CNTNAP3: variants seen among roughly 807,000 people sequenced by gnomAD.
CNTNAP3 encodes the protein contactin-associated protein-like 3.
CNTNAP3 carries 36 observed loss-of-function variants against 92.1 expected under a neutral mutation model. The observed-to-expected ratio is 0.39, with a 90% CI of 0.30 to 0.52. The LOEUF (loss-of-function observed/expected upper bound fraction) is 0.52, where lower values mean the gene tolerates loss of function less well. Ranked by LOEUF, CNTNAP3 falls within the 20% of genes least tolerant of loss-of-function variation. The pLI is 0.76. For missense variants in CNTNAP3, 534 were observed against 1,069.6 expected (o/e 0.50, Z 6.98); for synonymous variants, 232 against 422.3 (o/e 0.55, Z 5.53).
At chr9:39,137,322 T>G (rs985316769) in intron 12 of CNTNAP3, among the ~76,000 whole-genome samples, 7 of 152,002 alleles carry the variant, frequency 4.6e-5, no homozygotes, top group Non-Finnish European at 8.8e-5. Context: ...ATTTCTGTTA[T>G]GCTGTTTTTG....
intron 21 of CNTNAP3, 98 bp from the exon 22 acceptor site, chr9:39,079,018 C>A: frequency 6.7e-7 from 1 of 1,490,122 alleles, no homozygotes; most frequent in Non-Finnish European, 9.0e-7. Flanking sequence ...CGTTCCTTCA[C>A]TCCAGGAGAG....
intron 2 of CNTNAP3, among the ~76,000 whole-genome samples, chr9:39,260,559 C>CA (rs536562849): frequency 0.091 from 1,446 of 15,896 alleles, 584 homozygotes; most frequent in African/African-American, 0.22. Flanking sequence ...ACTAAAAATA[C>CA]AAAAAAAAAA....
At chr9:39,125,148 C>T (rs1435639921) in intron 13 of CNTNAP3, among the ~76,000 whole-genome samples, 2 of 151,896 alleles carry the variant, frequency 1.3e-5, no homozygotes, top group East Asian at 3.9e-4. Flanking sequence ...GAAAATGTGG[C>T]ACATATATAC....
intron 13 of CNTNAP3, among the ~76,000 whole-genome samples, chr9:39,130,059 C>A (rs999557533): frequency 1.3e-5 from 2 of 152,096 alleles, no homozygotes; most frequent in African/African-American, 4.8e-5. Flanking sequence ...AATGGTACAA[C>A]CATTCTAGAA....
At chr9:39,104,443 C>T (rs532252153) in intron 15 of CNTNAP3, among the ~76,000 whole-genome samples, 1 of 151,164 alleles carries the variant, frequency 6.6e-6, no homozygotes, top group African/African-American at 2.4e-5. Context: ...GAAGCCAGAA[C>T]ACAGACTCTT....
intron 10 of CNTNAP3, among the ~76,000 whole-genome samples, chr9:39,145,849 G>T (rs1821685602): frequency 1.4e-5 from 2 of 141,782 alleles, no homozygotes; most frequent in South Asian, 4.7e-4. Flanking sequence ...TGGCTGGGGT[G>T]GGGGCCCACC....
At chr9:39,075,825 T>G (rs1241056001) in intron 23 of CNTNAP3, among the ~76,000 whole-genome samples, 11 of 152,304 alleles carry the variant, frequency 7.2e-5, no homozygotes, top group Admixed American at 7.2e-4. Flanking sequence ...TCCCACGTGC[T>G]GTGGGCTGCA....
chr9:39,119,885 T>C (rs556393039), intron 13 of CNTNAP3, among the ~76,000 whole-genome samples: 1 of 152,072 alleles, frequency 6.6e-6, no homozygotes, highest in African/African-American at 2.4e-5. Context: ...ACAGAATCAC[T>C]GAACTTGAGG....
intron 3 of CNTNAP3, among the ~76,000 whole-genome samples, chr9:39,234,133 A>G (rs1379785605): frequency 3.3e-5 from 1 of 30,740 alleles, no homozygotes; most frequent in African/African-American, 5.8e-5. Context: ...TCAGGGATGG[A>G]TAATATCCTG....
In CNTNAP3 at chr9:39,122,379, T is replaced by C. The variant is rs1280832561; in HGVS notation, c.2081-4120A>G. Among the ~76,000 whole-genome samples, 3 of 151,070 alleles carry C rather than the reference T, an allele frequency of 2.0e-5. No homozygotes were observed. In the East Asian group the frequency reaches 5.8e-4, roughly 29 times the overall value. ...AAAAAATTAAAATAAAATAAAAACA[T>C]TAAAAAAAAATGAGTATACGATGCT... is the stretch of plus-strand genomic sequence containing the variant. On this transcript the variant is annotated intron_variant, in intron 13 of 23. Transcript: ENST00000297668.
At chr9:39,130,503 T>C (rs1414477078) in intron 13 of CNTNAP3, among the ~76,000 whole-genome samples, 1 of 136,168 alleles carries the variant, frequency 7.3e-6, no homozygotes, top group Admixed American at 7.2e-5. Flanking sequence ...TTCTTTTTTT[T>C]TTTTTTTTTT....
At chr9:39,128,069 C>T (rs1248804096) in intron 13 of CNTNAP3, among the ~76,000 whole-genome samples, 2 of 152,150 alleles carry the variant, frequency 1.3e-5, no homozygotes, top group Non-Finnish European at 2.9e-5. Flanking sequence ...GAACTCCTGA[C>T]CTCAAATGAT....
Position 39,103,806 on chromosome 9 carries a change from A to T in CNTNAP3, c.2474T>A (p.Val825Asp). ...ADVCFFFKTT[V>D]SSGVFMENLG... is the part of the protein sequence containing the mutation. ...GTTCTCCATAAACACCCCGGAGGAA[A>T]CTGTGGTCTTAAAAAAGAAGCACAC... The change falls in exon 16 of 24, where the codon GTT (valine) becomes GAT (aspartate). Residue 825 changes from valine (V) to aspartate (D), a missense_variant. By Grantham distance (152) the Val-to-Asp change is radical. Coordinates refer to ENST00000297668, the MANE Select transcript of CNTNAP3 (RefSeq NM_033655.5). The T allele has an allele frequency of 1.2e-6, 2 of 1,611,328 alleles. No individual in the cohort carries two copies. Among genetic ancestry groups the T allele is most frequent in the Non-Finnish European group, 1.7e-6 (2 of 1,179,796 alleles).
chr9:39,078,108 G>A (rs1825827158), intron 23 of CNTNAP3, among the ~76,000 whole-genome samples: 1 of 152,300 alleles, frequency 6.6e-6, no homozygotes, highest in Admixed American at 6.5e-5. Context: ...TCAGGAGGCT[G>A]AGGCAGGAGA....
chr9:39,132,076 A>C (rs1821306722), intron 13 of CNTNAP3, among the ~76,000 whole-genome samples: 1 of 152,238 alleles, frequency 6.6e-6, no homozygotes, highest in Non-Finnish European at 1.5e-5. Flanking sequence ...AGCTGGAGGC[A>C]GTGAAGCAAT....
At chr9:39,098,296 A>T (rs1297552091) in intron 18 of CNTNAP3, among the ~76,000 whole-genome samples, 1 of 150,306 alleles carries the variant, frequency 6.7e-6, no homozygotes, top group East Asian at 2.0e-4. Flanking sequence ...ACACACATAC[A>T]CATACACACA....
chr9:39,097,095 T>C (rs1758519), intron 18 of CNTNAP3, among the ~76,000 whole-genome samples: 2 of 152,178 alleles, frequency 1.3e-5, no homozygotes, highest in Admixed American at 6.6e-5. Context: ...ATAATCTCTA[T>C]TGATCTTGCT....
rs1213411098 is a variant in CNTNAP3, at chr9:39,149,892, G to A, written c.1563C>T (p.Asp521=). ...QGCLRLITIG[D]KAVDPILVQQ... ...GTACTAAGATGGGATCCACCGCTTTGTCACCAATGGTGATGAGCCTTAGGC... is the reference window on the plus strand; with the variant it reads ...GTACTAAGATGGGATCCACCGCTTTATCACCAATGGTGATGAGCCTTAGGC... Residue 521 remains aspartate (D), a synonymous_variant, in exon 10 of 24, where the codon GAC becomes GAT. Transcript: ENST00000297668. The A allele has an allele frequency of 1.9e-6, 3 of 1,606,538 alleles. No homozygotes were observed. Among genetic ancestry groups the A allele is most frequent in the Non-Finnish European group, 2.5e-6 (3 of 1,177,450 alleles).
intron 18 of CNTNAP3, among the ~76,000 whole-genome samples, chr9:39,090,666 G>GTT (rs545493786): frequency 2.6e-3 from 396 of 152,344 alleles, no homozygotes; most frequent in Non-Finnish European, 4.1e-3. Context: ...TCTTCTTAAA[G>GTT]ATTGTTTTGG....
Sources: allele counts gnomAD v4.1 joint callset (sites outside exome capture counted in the v4.1 genomes callset), GRCh38; gene constraint gnomAD v4.1.1; transcripts MANE v1.5; gene names NCBI Gene and HGNC (gene_info 2026-07-23, HGNC 2026-07-21).